NEK6: variants seen among roughly 807,000 people sequenced by gnomAD.
NEK6 encodes NIMA related kinase 6.
Under a neutral mutation model 43.5 loss-of-function variants are expected in NEK6, and 27 were observed. The observed-to-expected ratio is 0.62, with a 90% CI of 0.46 to 0.86. The LOEUF (loss-of-function observed/expected upper bound fraction) is 0.86, where lower values mean the gene tolerates loss of function less well. Ranked by LOEUF, NEK6 falls within the 40% of genes least tolerant of loss-of-function variation. The pLI, the probability that NEK6 is intolerant of heterozygous loss-of-function variation, is 0.00. For missense variants in NEK6, 318 were observed against 414.4 expected (o/e 0.77, Z 2.02); for synonymous variants, 167 against 164.1 (o/e 1.02, Z -0.14).
intron 1 of NEK6, among the ~76,000 whole-genome samples, chr9:124,301,326 C>T (rs1246654441): frequency 1.3e-5 from 2 of 152,200 alleles, no homozygotes; most frequent in Non-Finnish European, 2.9e-5. Flanking sequence ...CCCAGGGCAG[C>T]CCAAGCCCTG....
intron 1 of NEK6, among the ~76,000 whole-genome samples, chr9:124,285,533 A>T (rs1037041411): frequency 2.0e-5 from 3 of 152,072 alleles, no homozygotes; most frequent in African/African-American, 7.2e-5. Context: ...CCCAGGCTAT[A>T]GTTTCTGAAG....
intron 9 of NEK6, 45 bp from the exon 10 acceptor site, chr9:124,350,792 T>TAAGA (rs753324051): frequency 2.8e-6 from 4 of 1,426,336 alleles, no homozygotes; most frequent in East Asian, 2.3e-5. Context: ...GGAGCCTCAG[T>TAAGA]AAGACTGCTT....
chr9:124,308,093 C>T (rs1833350304), intron 2 of NEK6, among the ~76,000 whole-genome samples: 2 of 152,188 alleles, frequency 1.3e-5, no homozygotes, highest in African/African-American at 4.8e-5. Flanking sequence ...CCCAGCAGCC[C>T]CCTGAAGGGG....
chr9:124,263,641 G>T (rs1831118791), intron 1 of NEK6, among the ~76,000 whole-genome samples: 1 of 152,186 alleles, frequency 6.6e-6, no homozygotes, highest in South Asian at 2.1e-4. Flanking sequence ...CTTGGTCCGT[G>T]GCCCAGAGTG....
chr9:124,309,071 C>T (rs1346164731), intron 2 of NEK6, among the ~76,000 whole-genome samples: 1 of 152,192 alleles, frequency 6.6e-6, no homozygotes, highest in African/African-American at 2.4e-5. Flanking sequence ...GGCAGCTGCC[C>T]CCAGGAGCCT....
At chr9:124,270,694 G>A (rs959637695) in intron 1 of NEK6, among the ~76,000 whole-genome samples, 1 of 152,190 alleles carries the variant, frequency 6.6e-6, no homozygotes, top group African/African-American at 2.4e-5. Context: ...GCCTGCATCC[G>A]GGCCCCTGCT....
At chr9:124,332,875 CTCT>C (rs1390006259) in intron 7 of NEK6, among the ~76,000 whole-genome samples, 5 of 152,164 alleles carry the variant, frequency 3.3e-5, no homozygotes, top group Admixed American at 6.5e-5. Context: ...GTTTGTCAGG[CTCT>C]TCTTTCATAC....
At chr9:124,287,245 G>A (rs950945626) in intron 1 of NEK6, among the ~76,000 whole-genome samples, 2 of 152,206 alleles carry the variant, frequency 1.3e-5, no homozygotes, top group African/African-American at 4.8e-5. Context: ...CCTGTCCTTT[G>A]TGTAGGCTCA....
At chr9:124,293,518 C>A (rs1832526651) in intron 1 of NEK6, among the ~76,000 whole-genome samples, 2 of 152,136 alleles carry the variant, frequency 1.3e-5, no homozygotes, top group East Asian at 3.8e-4. Context: ...GGTTTTATTA[C>A]CTGAGGAGGA....
At chr9:124,292,085 A>G in intron 1 of NEK6, 1 of 1,046,184 alleles carries the variant, frequency 9.6e-7, no homozygotes, top group Non-Finnish European at 1.2e-6. Flanking sequence ...AGCCACTTCA[A>G]AAGGTACCCT....
At chr9:124,265,382 C>T (rs574455990) in intron 1 of NEK6, among the ~76,000 whole-genome samples, 19 of 152,162 alleles carry the variant, frequency 1.2e-4, no homozygotes, top group East Asian at 7.7e-4. Flanking sequence ...ATTAGCTGGG[C>T]GTGGTGGCGT....
At chr9:124,271,992 C>T (rs1001689855) in intron 1 of NEK6, among the ~76,000 whole-genome samples, 1 of 152,268 alleles carries the variant, frequency 6.6e-6, no homozygotes, top group African/African-American at 2.4e-5. Flanking sequence ...GGCTTGTTAC[C>T]GCCCACTCAG....
chr9:124,287,938 C>T (rs563535508), intron 1 of NEK6, among the ~76,000 whole-genome samples: 72 of 152,336 alleles, frequency 4.7e-4, no homozygotes, highest in African/African-American at 1.5e-3. Context: ...TCACCAGCCA[C>T]GGGCCAAGAT....
At chr9:124,335,958 G>T (rs1488164440) in intron 7 of NEK6, among the ~76,000 whole-genome samples, 3 of 152,066 alleles carry the variant, frequency 2.0e-5, no homozygotes, top group African/African-American at 2.4e-5. Flanking sequence ...AAGAATTTTA[G>T]GCGGGGCGTG....
intron 1 of NEK6, chr9:124,292,426 C>T: frequency 2.0e-6 from 3 of 1,535,542 alleles, no homozygotes; most frequent in Non-Finnish European, 2.6e-6. Flanking sequence ...TGGGTTTTGT[C>T]TGCCCCTTCC....
At chr9:124,349,155 G>A (rs951913296) in intron 9 of NEK6, among the ~76,000 whole-genome samples, 13 of 152,360 alleles carry the variant, frequency 8.5e-5, no homozygotes, top group African/African-American at 1.9e-4. Flanking sequence ...AGTGTCGGGC[G>A]CTGCACAGTG....
At chr9:124,306,743 G>A (rs10986310) in intron 2 of NEK6, among the ~76,000 whole-genome samples, 11 of 152,348 alleles carry the variant, frequency 7.2e-5, no homozygotes, top group East Asian at 1.9e-4. Flanking sequence ...GCTGAGCTGG[G>A]CTGGCCTCAG....
intron 1 of NEK6, among the ~76,000 whole-genome samples, chr9:124,267,446 G>A (rs142074638): frequency 3.1e-4 from 47 of 152,354 alleles, no homozygotes; most frequent in African/African-American, 8.9e-4. Context: ...TCCTTTGTTC[G>A]TCTCCTCCGG....
chr9:124,289,924 A>G lies in NEK6; in HGVS notation c.-29-12012A>G, dbSNP rs144597101. On this transcript the variant is annotated intron_variant, in intron 1 of 9. Transcript: ENST00000320246. ...TATGAGTCCTGGGCCACCAGACCAC[A>G]CACAGCACAGCTCAGAGCACAAGCC... is the stretch of plus-strand genomic sequence containing the variant. Among the ~76,000 whole-genome samples the G allele has an allele frequency of 3.0e-3, 463 of 152,328 alleles. 2 individuals are homozygous for G. The highest frequency in any genetic ancestry group is 0.011 in the African/African-American group (441 of 41,564).
Sources: gnomAD v4.1 joint callset for allele counts (sites outside exome capture counted in the v4.1 genomes callset) on GRCh38, gnomAD v4.1.1 for gene constraint, MANE v1.5 for transcripts, NCBI Gene and HGNC (gene_info 2026-07-23, HGNC 2026-07-21) for gene names.